NID2: variants seen among roughly 807,000 people sequenced by gnomAD.
NID2 encodes nidogen 2.
NID2 carries 83 observed loss-of-function variants against 145.4 expected under a neutral mutation model. That is an observed-to-expected ratio of 0.57 (90% confidence interval 0.48 to 0.69). NID2 has a LOEUF of 0.69. Ranked by LOEUF, NID2 falls within the 30% of genes least tolerant of loss-of-function variation. NID2 has a pLI of 0.00. For missense variants in NID2, 1,807 were observed against 1,765.7 expected (o/e 1.02, Z -0.42); for synonymous variants, 739 against 701.3 (o/e 1.05, Z -0.85).
chr14:52,014,945 T>C lies in NID2; in HGVS notation c.3250+109A>G. 3.5e-6 allele frequency: 3 copies of C among 862,616 alleles called. No individual in the cohort carries two copies. The Admixed American group carries it at 6.7e-5, about 19-fold the overall frequency. 53.4% of individuals were successfully genotyped at this position (862,616 alleles called of 1,614,324 possible). On this transcript the variant is annotated intron_variant, in intron 15 of 21. Transcript: ENST00000216286. ...TCAACATAGCACATAGTGACTTCTTTCATTAGACCTGGTGACCCCACATGT... is the reference window on the plus strand; with the variant it reads ...TCAACATAGCACATAGTGACTTCTTCCATTAGACCTGGTGACCCCACATGT...
At chr14:52,036,930 T>C (rs918035182) in intron 9 of NID2, among the ~76,000 whole-genome samples, 3 of 152,364 alleles carry the variant, frequency 2.0e-5, no homozygotes, top group African/African-American at 7.2e-5. Flanking sequence ...TCCCATTCTA[T>C]GGCTGTGTTT....
chr14:52,019,384 A>C, intron 13 of NID2, 90 bp from the exon 14 acceptor site: 1 of 1,037,346 alleles, frequency 9.6e-7, no homozygotes, highest in Non-Finnish European at 1.4e-6. Flanking sequence ...TGGCATGGAA[A>C]AGCGCTGGGA....
rs995512958 is a variant in NID2, at chr14:52,006,862, G to A, written c.3881-202C>T. 1.4e-5 allele frequency: 6 copies of A among 433,424 alleles called. No homozygotes were observed. The Admixed American group carries it at 2.1e-4, about 15-fold the overall frequency. 26.8% of individuals were successfully genotyped at this position (433,424 alleles called of 1,614,324 possible). A position where few individuals can be genotyped will look rare whatever the true frequency, so the allele number is the denominator to read the frequency against. On this transcript the variant is annotated intron_variant, in intron 19 of 21. Coordinates refer to ENST00000216286, the MANE Select transcript of NID2 (RefSeq NM_007361.4). Reference sequence around the variant, plus strand: ...AGATTCAAACTTTCAATCCTTTTTTGGAAGACAGGATTGCATTTACTGAAA... The same window carrying A: ...AGATTCAAACTTTCAATCCTTTTTTAGAAGACAGGATTGCATTTACTGAAA...
Position 52,068,861 on chromosome 14 carries a change from T to TC in NID2, c.133dup (p.Asp45GlyfsTer54), listed in dbSNP as rs1566780400. ...GTCGTCGCCTTCCTGCAGGAGCTGGTCCCCCCACGACTCCCCGTGTGGGAA... is the reference window on the plus strand; with the variant it reads ...GTCGTCGCCTTCCTGCAGGAGCTGGTCCCCCCCACGACTCCCCGTGTGGGAA... On this transcript the variant is annotated frameshift_variant, in exon 1 of 22. Coordinates refer to ENST00000216286, the MANE Select transcript of NID2 (RefSeq NM_007361.4). LOFTEE classifies it high-confidence loss of function. 2 of 1,613,586 alleles carry TC rather than the reference T, an allele frequency of 1.2e-6. No homozygotes were observed. The highest frequency in any genetic ancestry group is 1.7e-6 in the Non-Finnish European group (2 of 1,179,976).
intron 17 of NID2, 33 bp downstream of exon 17, chr14:52,011,521 A>G: frequency 6.2e-7 from 1 of 1,612,610 alleles, no homozygotes; most frequent in Non-Finnish European, 8.5e-7. Context: ...GTAGAATCAA[A>G]TGAAATGCAG....
At chr14:52,048,003 T>C (rs969786563) in intron 5 of NID2, among the ~76,000 whole-genome samples, 3 of 152,174 alleles carry the variant, frequency 2.0e-5, no homozygotes, top group Admixed American at 1.3e-4. Context: ...ATCTACACTT[T>C]AGCCACCCCG....
chr14:52,039,106 A>C, intron 8 of NID2, 129 bp from the exon 9 acceptor site: 1 of 685,438 alleles, frequency 1.5e-6, no homozygotes, highest in Non-Finnish European at 2.4e-6. Flanking sequence ...CTGAGTTTAT[A>C]TGAAAAAATG....
Position 52,011,529 on chromosome 14 carries a change from C to G in NID2, c.3550+25G>C, listed in dbSNP as rs374325040. The G allele has an allele frequency of 5.0e-6, 8 of 1,613,022 alleles. No homozygotes were observed. The African/African-American group carries it at 8.0e-5, about 16-fold the overall frequency. Reference sequence around the variant, plus strand: ...TGACTTTGTAGAATCAAATGAAATGCAGACTGCTGAGTGAAGCTGCTGACC... The same window carrying G: ...TGACTTTGTAGAATCAAATGAAATGGAGACTGCTGAGTGAAGCTGCTGACC... On this transcript the variant is annotated intron_variant, in intron 17 of 21. Transcript: ENST00000216286.
At position 52,042,847 on chromosome 14, in the gene NID2, G is replaced by A. The variant is rs773216496; in HGVS notation, c.1514C>T (p.Ala505Val). 2 of 1,614,214 alleles carry A rather than the reference G, an allele frequency of 1.2e-6. No homozygotes were observed. Among genetic ancestry groups the A allele is most frequent in the Non-Finnish European group, 1.7e-6 (2 of 1,180,020 alleles). The change falls in exon 6 of 22, where the codon GCC (alanine) becomes GTC (valine). Residue 505 changes from alanine (A) to valine (V), a missense_variant. Transcript: ENST00000216286. ...TTGGCAGTGGCAGCAGAAGCCAGTG[G>A]CATAGTCCGTGCAGAAGGCATGCCG... ...CSRHAFCTDY[A>V]TGFCCHCQSK...
intron 14 of NID2, among the ~76,000 whole-genome samples, chr14:52,018,019 A>G (rs1394426421): frequency 6.6e-6 from 1 of 152,062 alleles, no homozygotes; most frequent in East Asian, 1.9e-4. Flanking sequence ...GGGTTTCACT[A>G]TGTTGGCCAG....
At chr14:52,021,969 C>T (rs1220071590) in intron 12 of NID2, among the ~76,000 whole-genome samples, 1 of 152,160 alleles carries the variant, frequency 6.6e-6, no homozygotes, top group South Asian at 2.1e-4. Context: ...TAACATTCAG[C>T]CGAATGCAGG....
At position 52,005,848 on chromosome 14, in the gene NID2, C is replaced by G; in HGVS notation, c.4006G>C (p.Asp1336His). 6.2e-7 allele frequency: 1 copy of G among 1,600,840 alleles called. No homozygotes were observed. The highest frequency in any genetic ancestry group is 8.6e-7 in the Non-Finnish European group (1 of 1,167,964). The change falls in exon 21 of 22, where the codon GAT becomes CAT. Residue 1336 changes from aspartate (D) to histidine (H), a missense_variant and splice_region_variant. Physicochemically the swap from Asp to His is moderately conservative, Grantham distance 81. Coordinates refer to ENST00000216286, the MANE Select transcript of NID2 (RefSeq NM_007361.4). ...DHFYHTDWRR[D>H]GVVSVNKHSG... ...TGTTTATTTACTGATACAACACCAT[C>G]CCTGGTAACAGAAAGGAAGAGTGAA...
In NID2 at chr14:52,005,797, G is replaced by C; in HGVS notation, c.4057C>G (p.Leu1353Val). Reference protein sequence around the residue: ...KHSGQFTDEYLPEQRSHLYGI... With the variant: ...KHSGQFTDEYVPEQRSHLYGI... ...TAGAGGTGAGATCGTTGTTCTGGGAGATACTCATCAGTAAACTGGCCACTA... is the reference window on the plus strand; with the variant it reads ...TAGAGGTGAGATCGTTGTTCTGGGACATACTCATCAGTAAACTGGCCACTA... Residue 1353 changes from leucine (L) to valine (V), a missense_variant, in exon 21 of 22, where the codon CTC (leucine) becomes GTC (valine). By Grantham distance (32) the Leu-to-Val change is conservative. Coordinates refer to ENST00000216286, the MANE Select transcript of NID2 (RefSeq NM_007361.4). The C allele has an allele frequency of 6.2e-7, 1 of 1,613,916 alleles. No individual in the cohort carries two copies. Among genetic ancestry groups the C allele is most frequent in the Non-Finnish European group, 8.5e-7 (1 of 1,179,802 alleles).
intron 5 of NID2, among the ~76,000 whole-genome samples, chr14:52,052,287 G>A (rs949586200): frequency 1.3e-5 from 2 of 152,278 alleles, no homozygotes; most frequent in African/African-American, 4.8e-5. Flanking sequence ...TCTTTAATAA[G>A]CACATTCTTC....
rs377588266 is a variant in NID2, at chr14:52,019,196, C to T, written c.2893G>A (p.Glu965Lys). 19 of 1,613,856 alleles carry T rather than the reference C, an allele frequency of 1.2e-5. No homozygotes were observed. The highest frequency in any genetic ancestry group is 1.4e-5 in the Non-Finnish European group (17 of 1,179,888). Residue 965 changes from glutamate to lysine, a missense_variant, in exon 14 of 22, where the codon GAG becomes AAG. Transcript: ENST00000216286. ...TGTAGGGGCAGGAAGTTGCCCTGCT[C>T]GTCGCATTGGGGGATGTGGAACCGG... The part of the protein sequence containing the change: ...GARFHIPQCD[E>K]QGNFLPLQCH...
chr14:52,062,751 A>G (rs745965608), intron 2 of NID2, among the ~76,000 whole-genome samples: 1 of 152,152 alleles, frequency 6.6e-6, no homozygotes, highest in Non-Finnish European at 1.5e-5. Flanking sequence ...AGAGTAGTAA[A>G]CAGAGCTGTG....
chr14:52,029,053 C>T (rs1425995529), intron 10 of NID2, among the ~76,000 whole-genome samples: 1 of 152,036 alleles, frequency 6.6e-6, no homozygotes, highest in Non-Finnish European at 1.5e-5. Context: ...AAGTAAACAC[C>T]ACAGGAAGAT....
At chr14:52,057,600 G>T (rs1234725391) in intron 3 of NID2, among the ~76,000 whole-genome samples, 1 of 151,200 alleles carries the variant, frequency 6.6e-6, no homozygotes, top group Admixed American at 6.6e-5. Flanking sequence ...CTACTGGGAG[G>T]CTGAGGCAGG....
intron 20 of NID2, 32 bp from the exon 21 acceptor site, chr14:52,005,881 A>ACAGT: frequency 6.8e-7 from 1 of 1,463,678 alleles, no homozygotes; most frequent in Non-Finnish European, 9.5e-7. Flanking sequence ...GAATTCAGGG[A>ACAGT]CAGTCATTTA....
Sources: allele counts gnomAD v4.1 joint callset (sites outside exome capture counted in the v4.1 genomes callset), GRCh38; gene constraint gnomAD v4.1.1; transcripts MANE v1.5; gene names NCBI Gene and HGNC (gene_info 2026-07-23, HGNC 2026-07-21).